TANC2: variants seen among roughly 807,000 people sequenced by gnomAD.
TANC2 encodes the protein tetratricopeptide repeat, ankyrin repeat and coiled-coil containing 2, also known as protein TANC2.
In TANC2, 26 loss-of-function variants were observed where a neutral mutation model predicts 210.5. The ratio of observed to expected loss-of-function variants is 0.12; its 90% CI spans 0.09 to 0.17. TANC2 has a LOEUF of 0.17. Ranked by LOEUF, TANC2 falls within the 10% of genes least tolerant of loss-of-function variation. The pLI, the probability that TANC2 is intolerant of heterozygous loss-of-function variation, is 1.00. For missense variants in TANC2, 2,129 were observed against 2,608.9 expected, an observed-to-expected ratio of 0.82 and a Z score of 4.01; for synonymous variants, 931 against 967.1, an observed-to-expected ratio of 0.96 and a Z score of 0.69.
chr17:63,100,424 T>C (rs2037578164), intron 4 of TANC2, among the ~76,000 whole-genome samples: 1 of 152,136 alleles, frequency 6.6e-6, no homozygotes, highest in Admixed American at 6.6e-5. Context: ...GATACTTCAG[T>C]CTAAAGACAC....
intron 14 of TANC2, among the ~76,000 whole-genome samples, chr17:63,372,714 T>A (rs2047306754): frequency 6.6e-6 from 1 of 152,100 alleles, no homozygotes. Flanking sequence ...TCTGTTTGAC[T>A]TTTAGGGATG....
intron 14 of TANC2, among the ~76,000 whole-genome samples, chr17:63,361,639 A>G (rs1263332483): frequency 6.6e-6 from 1 of 152,230 alleles, no homozygotes; most frequent in African/African-American, 2.4e-5. Context: ...GGGAGTCCCT[A>G]GGTCTGGGCT....
Position 63,421,881 on chromosome 17 carries a change from C to T in TANC2, c.6151C>T (p.Leu2051=). 6.2e-7 allele frequency: 1 copy of T among 1,614,004 alleles called. No individual in the cohort carries two copies. Among genetic ancestry groups the T allele is most frequent in the Admixed American group, 1.7e-5 (1 of 60,026 alleles). The change falls in exon 28 of 28, where the codon CTG becomes TTG. Residue 2051 remains leucine, a synonymous_variant. Transcript: ENST00000689528. The surrounding 1 kb of genome is among the most constrained non-coding windows in gnomAD (Gnocchi z 6.9). ...ATACCAGGACAACCTGTACAGGCAG[C>T]TGTCCCGAGACTCTCGGCAAGGGCA... is the stretch of plus-strand genomic sequence containing the variant.
Position 63,191,876 on chromosome 17 carries a change from A to G in TANC2, c.434-2115A>G, listed in dbSNP as rs76816736. Reference sequence around the variant, plus strand: ...TAAGTCTGTAATCTAGAAACCAGAAAGGAAGTGCCTCTACTGTTTCTACTT... The same window carrying G: ...TAAGTCTGTAATCTAGAAACCAGAAGGGAAGTGCCTCTACTGTTTCTACTT... On this transcript the variant is annotated intron_variant, in intron 5 of 27. Coordinates refer to ENST00000689528, the Ensembl canonical transcript of TANC2. 4.2e-3 allele frequency among the ~76,000 whole-genome samples: 646 copies of G among 152,330 alleles called. 6 individuals carry two copies. Among genetic ancestry groups the G allele is most frequent in the African/African-American group, 0.014 (563 of 41,576 alleles).
At chr17:63,316,595 T>C (rs1205101184) in intron 10 of TANC2, among the ~76,000 whole-genome samples, 1 of 152,190 alleles carries the variant, frequency 6.6e-6, no homozygotes, top group Non-Finnish European at 1.5e-5. Flanking sequence ...TAAACATCCG[T>C]TGTTGAGACT....
At chr17:63,095,129 T>C (rs1598390837) in intron 3 of TANC2, among the ~76,000 whole-genome samples, 2 of 152,050 alleles carry the variant, frequency 1.3e-5, no homozygotes, top group East Asian at 1.9e-4. Flanking sequence ...CTTGGCTCCA[T>C]GAGTTCCTTG....
intron 10 of TANC2, among the ~76,000 whole-genome samples, chr17:63,317,137 T>C (rs1020495724): frequency 6.6e-6 from 1 of 152,144 alleles, no homozygotes; most frequent in Non-Finnish European, 1.5e-5. Flanking sequence ...TCCCAACTTC[T>C]TTCTCTGCAT....
At chr17:63,410,489 G>A (rs2048660229) in intron 21 of TANC2, among the ~76,000 whole-genome samples, 1 of 151,992 alleles carries the variant, frequency 6.6e-6, no homozygotes, top group South Asian at 2.1e-4. Flanking sequence ...GGGAGAAGGG[G>A]CCCTGGCATC....
chr17:63,372,893 C>CT (rs753800050), intron 14 of TANC2, among the ~76,000 whole-genome samples: 66,357 of 115,796 alleles, frequency 0.57, 21,051 homozygotes, highest in East Asian at 0.87. Context: ...TGATTACCAT[C>CT]TTTTTTTTTT....
chr17:62,982,346 C>T (rs1272326906), intron 1 of TANC2, among the ~76,000 whole-genome samples: 1 of 152,118 alleles, frequency 6.6e-6, no homozygotes, highest in Non-Finnish European at 1.5e-5. Flanking sequence ...ACAGGATTCC[C>T]CCTTTATACT....
chr17:63,315,256 C>T (rs1234869771), intron 10 of TANC2, among the ~76,000 whole-genome samples: 1 of 152,204 alleles, frequency 6.6e-6, no homozygotes, highest in African/African-American at 2.4e-5. Flanking sequence ...TCATATGGTA[C>T]TTACTATGTG....
rs2031324360 is a variant in TANC2 at position 62,966,265 on chromosome 17, G to C, written c.-508G>C. Among the ~76,000 whole-genome samples, 1 of 146,188 alleles carries C rather than the reference G, an allele frequency of 6.8e-6. No individual in the cohort carries two copies. Among genetic ancestry groups the C allele is most frequent in the Admixed American group, 6.8e-5 (1 of 14,746 alleles). Reference sequence around the variant, plus strand: ...CGCTAGCGAGCGGCCGGCGGGGCGCGGGTTGCTGGGCGCGCTGCTCCGGCG... The same window carrying C: ...CGCTAGCGAGCGGCCGGCGGGGCGCCGGTTGCTGGGCGCGCTGCTCCGGCG... On this transcript the variant is annotated 5_prime_UTR_variant, in exon 1 of 28. Transcript: ENST00000689528. This position sits in a 1 kb window ranked among gnomAD's most constrained non-coding sequence, Gnocchi z 5.1.
At chr17:63,176,206 GAAATT>G (rs2040574248) in intron 5 of TANC2, among the ~76,000 whole-genome samples, 1 of 152,162 alleles carries the variant, frequency 6.6e-6, no homozygotes, top group African/African-American at 2.4e-5. Flanking sequence ...TTTCCAAAGA[GAAATT>G]AAAATATATG....
intron 2 of TANC2, among the ~76,000 whole-genome samples, chr17:63,020,431 G>A (rs1241829167): frequency 6.6e-6 from 1 of 152,096 alleles, no homozygotes; most frequent in African/African-American, 2.4e-5. Context: ...AGCCTCCTGA[G>A]TAGCTGGGAC....
At chr17:63,037,546 G>T (rs992335311) in intron 2 of TANC2, among the ~76,000 whole-genome samples, 2 of 151,962 alleles carry the variant, frequency 1.3e-5, no homozygotes, top group African/African-American at 4.8e-5. Context: ...GGGTGCGGTG[G>T]CTCACCCTTG....
chr17:63,094,814 T>A (rs1191793564), intron 3 of TANC2, among the ~76,000 whole-genome samples: 1 of 152,198 alleles, frequency 6.6e-6, no homozygotes, highest in East Asian at 1.9e-4. Context: ...GTGTCCAGCA[T>A]AACTGAATTT....
intron 2 of TANC2, among the ~76,000 whole-genome samples, chr17:63,037,467 CTCT>C (rs2035017464): frequency 1.3e-5 from 2 of 152,066 alleles, no homozygotes. Context: ...GGTGGGTGGA[CTCT>C]TGTTTTTAAA....
At chr17:62,974,837 G>A (rs999461869) in intron 1 of TANC2, among the ~76,000 whole-genome samples, 9 of 152,092 alleles carry the variant, frequency 5.9e-5, no homozygotes, top group Non-Finnish European at 8.8e-5. Flanking sequence ...ATTCCTTTTC[G>A]TAGATATCAG....
chr17:63,261,294 G>A (rs2146226376), intron 8 of TANC2, among the ~76,000 whole-genome samples: 1 of 152,170 alleles, frequency 6.6e-6, no homozygotes, highest in Non-Finnish European at 1.5e-5. Flanking sequence ...TGAAAAGGTA[G>A]TAAGAAAACC....
Sources: gnomAD v4.1 joint callset for allele counts (sites outside exome capture counted in the v4.1 genomes callset) on GRCh38, gnomAD v4.1.1 for gene constraint, Gnocchi (gnomAD v3.1) non-coding constraint, MANE v1.5 for transcripts, NCBI Gene and HGNC (gene_info 2026-07-23, HGNC 2026-07-21) for gene names.